The following DOCK1 variants were observed in gnomAD, a reference collection of about 807,000 sequenced individuals.
DOCK1 encodes dedicator of cytokinesis 1, also known as dedicator of cytokinesis protein 1.
In DOCK1, 138 loss-of-function variants were observed where a neutral mutation model predicts 262.7. That is an observed-to-expected ratio of 0.53 (90% confidence interval 0.46 to 0.61). The LOEUF is 0.61. Ranked by LOEUF, DOCK1 falls within the 20% of genes least tolerant of loss-of-function variation. DOCK1 has a pLI of 0.00. For synonymous variants in DOCK1, 866 were observed against 867.4 expected (o/e 1.00, Z 0.03); for missense variants, 1,908 against 2,370.7 (o/e 0.80, Z 4.05).
chr10:127,441,674 T>C (rs12220050), intron 49 of DOCK1, among the ~76,000 whole-genome samples: 28,128 of 151,146 alleles, frequency 0.19, 2,872 homozygotes, highest in East Asian at 0.46. Flanking sequence ...ACCCATTCCC[T>C]GGGGACAACA....
At chr10:127,140,078 G>A (rs750070519) in intron 27 of DOCK1, among the ~76,000 whole-genome samples, 3 of 152,110 alleles carry the variant, frequency 2.0e-5, no homozygotes, top group Non-Finnish European at 4.4e-5. Flanking sequence ...TCTCCAGATC[G>A]TAACCGTTTC....
At chr10:127,430,226 A>C (rs2069188564) in intron 47 of DOCK1, among the ~76,000 whole-genome samples, 1 of 152,086 alleles carries the variant, frequency 6.6e-6, no homozygotes, top group Non-Finnish European at 1.5e-5. Flanking sequence ...CCTGGCCCCC[A>C]GCTTCCAGGA....
chr10:126,994,897 G>T (rs7082414), intron 6 of DOCK1, among the ~76,000 whole-genome samples: 1 of 151,776 alleles, frequency 6.6e-6, no homozygotes, highest in Non-Finnish European at 1.5e-5. Context: ...CGGGGCGGCC[G>T]GGCAGAGGCG....
intron 27 of DOCK1, among the ~76,000 whole-genome samples, chr10:127,227,513 G>A (rs956193823): frequency 1.3e-5 from 2 of 152,204 alleles, no homozygotes; most frequent in African/African-American, 2.4e-5. Context: ...TCCAAGCCAC[G>A]TTCCAGTAGC....
At chr10:126,942,050 A>G (rs994976738) in intron 1 of DOCK1, among the ~76,000 whole-genome samples, 1 of 151,550 alleles carries the variant, frequency 6.6e-6, no homozygotes, top group African/African-American at 2.4e-5. Context: ...TTTGAGACGG[A>G]GTCTCGCTCT....
chr10:126,939,179 C>G (rs1285619939), intron 1 of DOCK1, among the ~76,000 whole-genome samples: 2 of 152,036 alleles, frequency 1.3e-5, no homozygotes, highest in African/African-American at 4.8e-5. Context: ...GGAAGGAACC[C>G]CCTTCCTTAA....
chr10:127,449,447 C>A (rs925723313), intron 51 of DOCK1, among the ~76,000 whole-genome samples: 1 of 152,182 alleles, frequency 6.6e-6, no homozygotes, highest in African/African-American at 2.4e-5. Flanking sequence ...GTCTCAATTT[C>A]TTGGATACAC....
intron 1 of DOCK1, among the ~76,000 whole-genome samples, chr10:126,922,384 GA>G (rs1305286296): frequency 2.0e-5 from 3 of 152,092 alleles, no homozygotes; most frequent in Non-Finnish European, 4.4e-5. Context: ...AGGAGCAAGA[GA>G]GGGGAGGAGC....
At chr10:127,237,169 G>A (rs533691880) in intron 27 of DOCK1, among the ~76,000 whole-genome samples, 1 of 152,192 alleles carries the variant, frequency 6.6e-6, no homozygotes, top group Non-Finnish European at 1.5e-5. Flanking sequence ...GACCAGCCTG[G>A]CCAACATGGG....
chr10:127,323,019 T>C (rs1564991802), intron 29 of DOCK1, among the ~76,000 whole-genome samples: 1 of 152,166 alleles, frequency 6.6e-6, no homozygotes, highest in Non-Finnish European at 1.5e-5. Context: ...CCCCTTGTGC[T>C]CCCCAGTCTG....
intron 27 of DOCK1, among the ~76,000 whole-genome samples, chr10:127,189,902 A>G (rs1246303771): frequency 1.3e-5 from 2 of 152,034 alleles, no homozygotes; most frequent in African/African-American, 4.8e-5. Flanking sequence ...CACAGAGATC[A>G]ATGGAGTTGA....
At chr10:127,444,358 C>T (rs545207081) in intron 50 of DOCK1, 79 bp downstream of exon 50, 23 of 1,458,028 alleles carry the variant, frequency 1.6e-5, no homozygotes, top group South Asian at 1.1e-4. Context: ...AGGTTAGAAG[C>T]GCTTCCTCCC....
intron 51 of DOCK1, among the ~76,000 whole-genome samples, chr10:127,450,963 AAAG>A (rs1302891835): frequency 6.6e-5 from 10 of 152,310 alleles, no homozygotes; most frequent in African/African-American, 2.4e-4. Flanking sequence ...TCAGAAAGCA[AAAG>A]AAGGTCTCTC....
chr10:127,167,575 T>C (rs1057140536), intron 27 of DOCK1, among the ~76,000 whole-genome samples: 9 of 152,196 alleles, frequency 5.9e-5, no homozygotes, highest in Admixed American at 5.9e-4. Flanking sequence ...GACATCTCTA[T>C]AGAATATGTT....
At position 127,143,094 on chromosome 10, in the gene DOCK1, G is replaced by A. The variant is rs2051429433; in HGVS notation, c.2847+15330G>A. 2.0e-5 allele frequency among the ~76,000 whole-genome samples: 3 copies of A among 152,146 alleles called. No homozygotes were observed. The South Asian group carries it at 6.2e-4, about 32-fold the overall frequency. On this transcript the variant is annotated intron_variant, in intron 27 of 51. Transcript: ENST00000623213. ...CCAGCTTATTCTCTGTTTGTCTCAT[G>A]CTCCTATAAATACTCAGGCCCTGCC... is the stretch of plus-strand genomic sequence containing the variant.
chr10:127,283,499 G>T (rs2061037675), intron 29 of DOCK1, among the ~76,000 whole-genome samples: 1 of 152,202 alleles, frequency 6.6e-6, no homozygotes, highest in Non-Finnish European at 1.5e-5. Flanking sequence ...AAGGAATAAA[G>T]CCATCCTATA....
At chr10:127,063,642 TCAG>T (rs2045678765) in intron 23 of DOCK1, among the ~76,000 whole-genome samples, 1 of 152,208 alleles carries the variant, frequency 6.6e-6, no homozygotes, top group Non-Finnish European at 1.5e-5. Context: ...ACTACTGAAT[TCAG>T]TGGCATTTTA....
intron 29 of DOCK1, among the ~76,000 whole-genome samples, chr10:127,313,284 A>G (rs1441237006): frequency 1.3e-5 from 2 of 152,170 alleles, no homozygotes; most frequent in East Asian, 1.9e-4. Context: ...CCTGACACAC[A>G]CAAGCAGGGA....
intron 28 of DOCK1, among the ~76,000 whole-genome samples, chr10:127,249,608 G>A (rs772228544): frequency 5.3e-5 from 8 of 151,988 alleles, no homozygotes; most frequent in Non-Finnish European, 1.2e-4. Flanking sequence ...CTGTTGCTCC[G>A]AGGCTACACA....
Sources: gnomAD v4.1 joint callset for allele counts (sites outside exome capture counted in the v4.1 genomes callset) on GRCh38, gnomAD v4.1.1 for gene constraint, MANE v1.5 for transcripts, NCBI Gene and HGNC (gene_info 2026-07-23, HGNC 2026-07-21) for gene names.